ARMH3: variants seen among roughly 807,000 people sequenced by gnomAD.
The protein encoded by ARMH3 is armadillo like helical domain containing 3, also known as armadillo-like helical domain-containing protein 3.
A neutral mutation model predicts 99.1 loss-of-function variants in ARMH3; 60 were observed. That is an observed-to-expected ratio of 0.61 (90% confidence interval 0.49 to 0.75). ARMH3 has a LOEUF of 0.75. ARMH3 is among the 30% of genes least tolerant of loss of function. The probability of loss-of-function intolerance (pLI) is 0.00; values close to 1 mark genes in which losing one functional copy is unlikely to be tolerated. For missense variants in ARMH3, 679 were observed against 843.1 expected, an observed-to-expected ratio of 0.81 and a Z score of 2.41; for synonymous variants, 285 against 292.8, an observed-to-expected ratio of 0.97 and a Z score of 0.27.
intron 15 of ARMH3, among the ~76,000 whole-genome samples, chr10:102,001,066 C>T (rs1171892800): frequency 6.6e-6 from 1 of 152,154 alleles, no homozygotes; most frequent in Non-Finnish European, 1.5e-5. Context: ...ATCCTCCCGC[C>T]TCAGCCTCCC....
At position 101,924,942 on chromosome 10, in the gene ARMH3, C is replaced by T. The variant is rs184306568; in HGVS notation, c.1781+14921G>A. Among the ~76,000 whole-genome samples the T allele has an allele frequency of 1.2e-3, 179 of 152,090 alleles. 1 individual carries two copies. The highest frequency in any genetic ancestry group is 3.9e-3 in the African/African-American group (164 of 41,520). ...CTCGGAGGAGGAAGTTGCAGTGAGC[C>T]GAGATCATGCCACTGCACTCTGGCC... On this transcript the variant is annotated intron_variant, in intron 23 of 25. Transcript: ENST00000370033.
intron 22 of ARMH3, among the ~76,000 whole-genome samples, chr10:101,945,311 G>A (rs868077375): frequency 1.3e-5 from 2 of 152,328 alleles, no homozygotes; most frequent in Middle Eastern, 6.8e-3. Flanking sequence ...GCCAGGCGCA[G>A]TGCCTCGTGC....
intron 14 of ARMH3, among the ~76,000 whole-genome samples, chr10:102,004,464 G>A (rs906156065): frequency 2.6e-5 from 4 of 152,128 alleles, no homozygotes; most frequent in African/African-American, 7.2e-5. Flanking sequence ...ATTTGAAAGT[G>A]GGCTGACTTG....
At chr10:101,966,784 G>T (rs189910687) in intron 20 of ARMH3, among the ~76,000 whole-genome samples, 2 of 152,108 alleles carry the variant, frequency 1.3e-5, no homozygotes, top group African/African-American at 4.8e-5. Flanking sequence ...AATGAATAAT[G>T]GATATGAGAA....
At chr10:101,897,891 G>GT (rs1404705265) in intron 23 of ARMH3, among the ~76,000 whole-genome samples, 1 of 152,198 alleles carries the variant, frequency 6.6e-6, no homozygotes, top group Non-Finnish European at 1.5e-5. Context: ...AGATGGAACA[G>GT]TAAGGATGAA....
chr10:102,007,655 C>CT (rs2066530933), intron 13 of ARMH3, among the ~76,000 whole-genome samples: 2 of 79,588 alleles, frequency 2.5e-5, no homozygotes, highest in Non-Finnish European at 4.8e-5. Flanking sequence ...TCTGTCTCTA[C>CT]TAAAAAAAAA....
chr10:101,951,700 C>G (rs1259572798), intron 22 of ARMH3, among the ~76,000 whole-genome samples: 1 of 151,918 alleles, frequency 6.6e-6, no homozygotes, highest in African/African-American at 2.4e-5. Context: ...AACCCCATCT[C>G]TACTAAAAAC....
At chr10:101,966,590 C>T (rs554585369) in intron 20 of ARMH3, among the ~76,000 whole-genome samples, 51 of 152,164 alleles carry the variant, frequency 3.4e-4, no homozygotes, top group Admixed American at 1.8e-3. Flanking sequence ...TGAATACGAT[C>T]CATCTGAGAA....
intron 8 of ARMH3, among the ~76,000 whole-genome samples, chr10:102,018,221 T>G (rs934703434): frequency 6.6e-6 from 1 of 152,200 alleles, no homozygotes; most frequent in Middle Eastern, 3.2e-3. Flanking sequence ...TTCTGTGTAT[T>G]CTGCCTTTTG....
chr10:102,029,774 T>G (rs946208217), intron 4 of ARMH3, 29 bp from the exon 5 acceptor site: 1 of 1,599,708 alleles, frequency 6.3e-7, no homozygotes, highest in African/African-American at 1.3e-5. Context: ...GAATTCTTTC[T>G]GGAGAGGAAG....
At chr10:101,961,145 C>G (rs1590089667) in intron 20 of ARMH3, among the ~76,000 whole-genome samples, 1 of 152,152 alleles carries the variant, frequency 6.6e-6, no homozygotes, top group African/African-American at 2.4e-5. Context: ...CTCATTATCG[C>G]CTTCCTGTCA....
chr10:102,050,261 T>A (rs2067665790), intron 1 of ARMH3, among the ~76,000 whole-genome samples: 1 of 151,566 alleles, frequency 6.6e-6, no homozygotes, highest in African/African-American at 2.4e-5. Flanking sequence ...GCTAACACGG[T>A]GAAACCCCGT....
intron 1 of ARMH3, among the ~76,000 whole-genome samples, chr10:102,042,803 T>G (rs1303032496): frequency 6.6e-6 from 1 of 152,256 alleles, no homozygotes; most frequent in African/African-American, 2.4e-5. Flanking sequence ...CCGGGTGCAG[T>G]GGCTCACGCC....
At chr10:101,960,133 G>A (rs1845219169) in intron 20 of ARMH3, among the ~76,000 whole-genome samples, 8 of 151,822 alleles carry the variant, frequency 5.3e-5, no homozygotes, top group Admixed American at 3.3e-4. Flanking sequence ...AGCCGAGATC[G>A]CACCACTGCA....
rs557061193 is a variant in ARMH3, at chr10:102,030,704, C to T, written c.307-959G>A. ...AGCCTGGGCAACAAGAGTGAAACTC[C>T]GTCTCAAAAATAATAATAATAATAA... On this transcript the variant is annotated intron_variant, in intron 4 of 25. Coordinates refer to ENST00000370033, the MANE Select transcript of ARMH3 (RefSeq NM_024541.3). Among the ~76,000 whole-genome samples, 15 of 151,276 alleles carry T rather than the reference C, an allele frequency of 9.9e-5. No individual in the cohort carries two copies. The East Asian group carries it at 2.1e-3, about 22-fold the overall frequency.
At position 101,993,545 on chromosome 10, in the gene ARMH3, T is replaced by C; in HGVS notation, c.1268A>G (p.His423Arg). ...DDNMNFRVNL[H>R]RMPMRHRKKA... is the part of the protein sequence containing the mutation. ...AGCAAAAGAAACACCTACCATTCTA[T>C]GTAAGTTTACTCGAAAATTCATGTT... Residue 423 changes from histidine to arginine, a missense_variant, in exon 17 of 26, where the codon CAT becomes CGT. This residue lies in a region of ARMH3 where 389 missense variants were observed against 456.5 expected (regional missense o/e 0.85). Coordinates refer to ENST00000370033, the MANE Select transcript of ARMH3 (RefSeq NM_024541.3). 1.9e-6 allele frequency: 3 copies of C among 1,599,376 alleles called. No individual in the cohort carries two copies. Among genetic ancestry groups the C allele is most frequent in the Non-Finnish European group, 2.6e-6 (3 of 1,173,688 alleles).
At chr10:101,952,074 A>G (rs1380088355) in intron 22 of ARMH3, among the ~76,000 whole-genome samples, 1 of 152,160 alleles carries the variant, frequency 6.6e-6, no homozygotes, top group Non-Finnish European at 1.5e-5. Context: ...CTGTCCCCCA[A>G]CTTTCAAGTT....
intron 8 of ARMH3, among the ~76,000 whole-genome samples, chr10:102,015,954 C>A (rs1233719502): frequency 6.6e-6 from 1 of 152,014 alleles, no homozygotes; most frequent in Non-Finnish European, 1.5e-5. Flanking sequence ...GGCAACATGG[C>A]AAAACCCTAT....
At chr10:102,038,532 TTTA>T (rs2067333710) in intron 2 of ARMH3, among the ~76,000 whole-genome samples, 1 of 152,178 alleles carries the variant, frequency 6.6e-6, no homozygotes, top group Non-Finnish European at 1.5e-5. Flanking sequence ...GACTGAATTA[TTTA>T]TTCTTAGCCA....
Sources: gnomAD v4.1 joint callset for allele counts (sites outside exome capture counted in the v4.1 genomes callset) on GRCh38, gnomAD v4.1.1 for gene constraint, gnomAD v4.1.1 regional missense constraint, MANE v1.5 for transcripts, NCBI Gene and HGNC (gene_info 2026-07-23, HGNC 2026-07-21) for gene names.